TMPRSS6: variants seen among roughly 807,000 people sequenced by gnomAD.
TMPRSS6 encodes transmembrane protease serine 6.
TMPRSS6 carries 67 observed loss-of-function variants against 101.5 expected under a neutral mutation model. The observed-to-expected ratio is 0.66, with a 90% CI of 0.54 to 0.81. The LOEUF is 0.81. Among genes scored for constraint, TMPRSS6 ranks in the 30% least tolerant of loss-of-function variants. The pLI, the probability that TMPRSS6 is intolerant of heterozygous loss-of-function variation, is 0.00. For missense variants in TMPRSS6, 1,034 were observed against 1,088.7 expected, an observed-to-expected ratio of 0.95 and a Z score of 0.71; for synonymous variants, 453 against 464.9, an observed-to-expected ratio of 0.97 and a Z score of 0.33.
At chr22:37,072,426 T>G (rs1927102434) in intron 13 of TMPRSS6, among the ~76,000 whole-genome samples, 1 of 141,694 alleles carries the variant, frequency 7.1e-6, no homozygotes, top group Non-Finnish European at 1.5e-5. Context: ...GATGGATTGA[T>G]GGATTGATGG....
rs1174402543 is a variant in TMPRSS6 at position 37,075,282 on chromosome 22, T to TG, written c.1197-3dup. ...TGCAGGATGCGCAAGCCACACAGCCTGGGGGGAGTCAGAGACGACTCAGGG... is the reference window on the plus strand; with the variant it reads ...TGCAGGATGCGCAAGCCACACAGCCTGGGGGGGAGTCAGAGACGACTCAGGG... On this transcript the variant is annotated splice_region_variant and splice_polypyrimidine_tract_variant and intron_variant, in intron 10 of 17. Transcript: ENST00000676104. The TG allele has an allele frequency of 5.0e-6, 8 of 1,613,348 alleles. No individual in the cohort carries two copies. Among genetic ancestry groups the TG allele is most frequent in the Non-Finnish European group, 2.5e-6 (3 of 1,179,958 alleles).
rs1206748959 is a variant in TMPRSS6 at position 37,066,343 on chromosome 22, G to A, written c.2251-105C>T. On this transcript the variant is annotated intron_variant, in intron 17 of 17. Transcript: ENST00000676104. ...CCTGACTGTTGGGAATTGACTGGGT[G>A]CCAGAGTCACGTTCAGTCTTAAAGC... 5.1e-6 allele frequency: 6 copies of A among 1,182,058 alleles called. No individual in the cohort carries two copies. The African/African-American group carries it at 7.7e-5, about 15-fold the overall frequency. 73.2% of individuals were successfully genotyped at this position (1,182,058 alleles called of 1,614,324 possible). A position where few individuals can be genotyped will look rare whatever the true frequency, so the allele number is the denominator to read the frequency against.
chr22:37,105,733 G>A (rs372372748), intron 1 of TMPRSS6, among the ~76,000 whole-genome samples: 2 of 152,144 alleles, frequency 1.3e-5, no homozygotes, highest in Admixed American at 6.5e-5. Context: ...ATGGTAGCAC[G>A]ATCATAGCTC....
chr22:37,070,857 T>A (rs1926826522), intron 14 of TMPRSS6, 59 bp downstream of exon 14: 1 of 1,536,530 alleles, frequency 6.5e-7, no homozygotes, highest in South Asian at 1.1e-5. Flanking sequence ...TCCAGCTTCC[T>A]GCTGTGGGCA....
chr22:37,067,695 C>T (rs527961128), intron 16 of TMPRSS6, among the ~76,000 whole-genome samples: 1 of 152,168 alleles, frequency 6.6e-6, no homozygotes, highest in Admixed American at 6.5e-5. Flanking sequence ...CGCTTCTCCA[C>T]GAGGGCTGCA....
intron 2 of TMPRSS6, among the ~76,000 whole-genome samples, chr22:37,100,182 G>T (rs947050742): frequency 6.6e-6 from 1 of 152,240 alleles, no homozygotes; most frequent in Non-Finnish European, 1.5e-5. Flanking sequence ...GGTCAGGCTG[G>T]TCTCGAACTC....
At position 37,089,895 on chromosome 22, in the gene TMPRSS6, G is replaced by A. The variant is rs948321147; in HGVS notation, c.632-113C>T. The A allele has an allele frequency of 1.3e-5, 13 of 1,021,192 alleles. No individual in the cohort carries two copies. The African/African-American group carries it at 1.6e-4, about 13-fold the overall frequency. The allele number at this position is 1,021,192 out of a possible 1,614,324, so 63.3% of individuals were successfully genotyped here. A position where few individuals can be genotyped will look rare whatever the true frequency, so the allele number is the denominator to read the frequency against. On this transcript the variant is annotated intron_variant, in intron 6 of 17. Coordinates refer to ENST00000676104, the MANE Select transcript of TMPRSS6 (RefSeq NM_001374504.1). ...CAGGCAGGATGGGCTGGGCAGGGGA[G>A]CCGGGTGGGGATAGCCAGACATGCT...
Position 37,066,859 on chromosome 22 carries a change from G to A in TMPRSS6, c.2217C>T (p.Ala739=), listed in dbSNP as rs748638433. ...CATCCTTCTTGCCCTTGCGGTAGCCGGCACACAGCATGCGTGGCGTCACCT... is the reference window on the plus strand; with the variant it reads ...CATCCTTCTTGCCCTTGCGGTAGCCAGCACACAGCATGCGTGGCGTCACCT... ...RYQVTPRMLC[A]GYRKGKKDAC... Residue 739 remains alanine (A), a synonymous_variant, in exon 17 of 18, where the codon GCC becomes GCT. Coordinates refer to ENST00000676104, the MANE Select transcript of TMPRSS6 (RefSeq NM_001374504.1). 21 of 1,614,014 alleles carry A rather than the reference G, an allele frequency of 1.3e-5. No homozygotes were observed. Among genetic ancestry groups the A allele is most frequent in the African/African-American group, 2.7e-5 (2 of 74,918 alleles).
At chr22:37,078,950 AGAAAAAGAGAAAGAAAGAAAGAAAAAG>A (rs1927980156) in intron 10 of TMPRSS6, among the ~76,000 whole-genome samples, 3 of 123,772 alleles carry the variant, frequency 2.4e-5, no homozygotes, top group Non-Finnish European at 5.2e-5. Flanking sequence ...AAGGAGAAGG[AGAAAAAGAGAAAGAAAGAAAGAAAAAG>A]AAAGAAAGAA....
chr22:37,108,030 G>A (rs1930820924), intron 1 of TMPRSS6, among the ~76,000 whole-genome samples: 1 of 152,176 alleles, frequency 6.6e-6, no homozygotes, highest in Admixed American at 6.5e-5. Context: ...AAGGTGCTGT[G>A]TGCATATGTG....
chr22:37,106,881 C>A (rs1930747395), intron 1 of TMPRSS6, among the ~76,000 whole-genome samples: 1 of 152,200 alleles, frequency 6.6e-6, no homozygotes, highest in African/African-American at 2.4e-5. Flanking sequence ...AGGCGACCTG[C>A]CAGGCACTGG....
intron 9 of TMPRSS6, 83 bp from the exon 10 acceptor site, chr22:37,084,487 G>A (rs1050079094): frequency 1.9e-6 from 2 of 1,045,308 alleles, no homozygotes; most frequent in Admixed American, 2.0e-5. Context: ...CAAAGAGAAG[G>A]AAACACAGAA....
Position 37,084,804 on chromosome 22 carries a change from C to T in TMPRSS6, c.1009G>A (p.Asp337Asn), listed in dbSNP as rs560612001. The change falls in exon 9 of 18, where the codon GAC (aspartate) becomes AAC (asparagine). Residue 337 changes from aspartate (D) to asparagine (N), a missense_variant. Coordinates refer to ENST00000676104, the MANE Select transcript of TMPRSS6 (RefSeq NM_001374504.1). ...EVNLTLDNRL[D>N]SQGVLSTPYF... ...GGGGTGCTGAGGACGCCCTGGGAGT[C>T]GAGCCTGTTGTCCAGCGTCAGGTTC... is the stretch of plus-strand genomic sequence containing the variant. The T allele has an allele frequency of 1.0e-5, 16 of 1,560,782 alleles. No individual in the cohort carries two copies. The highest frequency in any genetic ancestry group is 5.8e-5 in the Admixed American group (3 of 52,016).
chr22:37,110,369 C>T (rs1387383411), upstream of TMPRSS6, among the ~76,000 whole-genome samples: 2 of 151,906 alleles, frequency 1.3e-5, no homozygotes, highest in African/African-American at 4.8e-5. Context: ...TCTCGAACTC[C>T]TGACCTCAAG....
chr22:37,103,339 T>C lies in TMPRSS6; in HGVS notation c.79A>G (p.Met27Val). Reference sequence around the variant, plus strand: ...TTGGAGTCCTCACAGGCCTTGAACATCCCCTCCGGCTCCGCTTCCTCGCCA... The same window carrying C: ...TTGGAGTCCTCACAGGCCTTGAACACCCCCTCCGGCTCCGCTTCCTCGCCA... ...GDGEEAEPEG[M>V]FKACEDSKRK... The change falls in exon 2 of 18, where the codon ATG becomes GTG. Residue 27 changes from methionine (M) to valine (V), a missense_variant. Transcript: ENST00000676104. This position sits in a 1 kb window ranked among gnomAD's most constrained non-coding sequence, Gnocchi z 4.4. 1 of 1,613,888 alleles carries C rather than the reference T, an allele frequency of 6.2e-7. No individual in the cohort carries two copies. The highest frequency in any genetic ancestry group is 2.2e-5 in the East Asian group (1 of 44,874).
intron 1 of TMPRSS6, among the ~76,000 whole-genome samples, chr22:37,105,251 C>T (rs940302063): frequency 6.6e-5 from 10 of 152,172 alleles, no homozygotes; most frequent in African/African-American, 2.2e-4. Context: ...TGCAGGGGAC[C>T]CTCACTGGGC....
intron 8 of TMPRSS6, 47 bp downstream of exon 8, chr22:37,086,236 A>T: frequency 6.2e-7 from 1 of 1,613,502 alleles, no homozygotes; most frequent in East Asian, 2.2e-5. Flanking sequence ...GGGCCCTTGG[A>T]TTCTACCACC....
chr22:37,066,338 T>A (rs1172043907), intron 17 of TMPRSS6, 100 bp from the exon 18 acceptor site: 2 of 1,230,726 alleles, frequency 1.6e-6, no homozygotes, highest in Non-Finnish European at 2.2e-6. Flanking sequence ...GGGAATTGAC[T>A]GGGTGCCAGA....
chr22:37,084,109 C>A (rs928261637), intron 10 of TMPRSS6, 186 bp downstream of exon 10: 4 of 635,110 alleles, frequency 6.3e-6, no homozygotes, highest in Non-Finnish European at 8.7e-6. Flanking sequence ...GGGGCCAGGG[C>A]GGAGGCTGGG....
Sources: gnomAD v4.1 joint callset for allele counts (sites outside exome capture counted in the v4.1 genomes callset) on GRCh38, gnomAD v4.1.1 for gene constraint, Gnocchi (gnomAD v3.1) non-coding constraint, MANE v1.5 for transcripts, NCBI Gene and HGNC (gene_info 2026-07-23, HGNC 2026-07-21) for gene names.